Variants in SLC2A9 observed in about 807,000 individuals in gnomAD.
SLC2A9 encodes the protein solute carrier family 2, facilitated glucose transporter member 9.
A neutral mutation model predicts 50.6 loss-of-function variants in SLC2A9; 39 were observed. The ratio of observed to expected loss-of-function variants is 0.77; its 90% CI spans 0.60 to 1.01. The LOEUF (loss-of-function observed/expected upper bound fraction) is 1.01. Among genes scored for constraint, SLC2A9 ranks in the 50% least tolerant of loss-of-function variants. The pLI, the probability that SLC2A9 is intolerant of heterozygous loss-of-function variation, is 0.00. For synonymous variants in SLC2A9, 324 were observed against 276.9 expected, an observed-to-expected ratio of 1.17 and a Z score of -1.69; for missense variants, 686 against 677.6, an observed-to-expected ratio of 1.01 and a Z score of -0.14.
intron 3 of SLC2A9, among the ~76,000 whole-genome samples, chr4:9,805,470 G>A (rs967665040): frequency 9.9e-5 from 15 of 152,184 alleles, no homozygotes; most frequent in African/African-American, 1.7e-4. Context: ...AGGCTGAGGC[G>A]GGTGGATCAC....
intron 6 of SLC2A9, among the ~76,000 whole-genome samples, chr4:9,936,701 C>A (rs555370629): frequency 1.3e-5 from 2 of 152,160 alleles, no homozygotes; most frequent in South Asian, 4.2e-4. Context: ...ATCGGGGCTC[C>A]AGGGGCATCT....
At chr4:9,890,562 T>A in intron 9 of SLC2A9, 48 bp downstream of exon 9, 1 of 1,569,364 alleles carries the variant, frequency 6.4e-7, no homozygotes, top group Non-Finnish European at 8.8e-7. Flanking sequence ...AAGCCAGAAG[T>A]CAGCTCCATG....
intron 10 of SLC2A9, among the ~76,000 whole-genome samples, chr4:9,878,538 C>A (rs1577662963): frequency 6.6e-6 from 1 of 152,168 alleles, no homozygotes; most frequent in South Asian, 2.1e-4. Context: ...CCACAGAGGG[C>A]ATGAAAGCTC....
chr4:9,785,398 C>T (rs534165911), intron 3 of SLC2A9, among the ~76,000 whole-genome samples: 1 of 152,366 alleles, frequency 6.6e-6, no homozygotes, highest in South Asian at 2.1e-4. Context: ...GGAGAAGATT[C>T]TGTATCATTT....
At chr4:9,918,546 T>C (rs1447184295) in intron 7 of SLC2A9, among the ~76,000 whole-genome samples, 1 of 152,198 alleles carries the variant, frequency 6.6e-6, no homozygotes, top group Non-Finnish European at 1.5e-5. Context: ...CCTTTTACTA[T>C]TCCTCACTGT....
At chr4:9,879,418 G>A in intron 10 of SLC2A9, 1 of 984,654 alleles carries the variant, frequency 1.0e-6, no homozygotes, top group Non-Finnish European at 1.2e-6. Context: ...GTGTGGGGCA[G>A]GGGGCAGCTG....
chr4:9,868,150 T>C (rs1331674691), intron 10 of SLC2A9, among the ~76,000 whole-genome samples: 3 of 152,244 alleles, frequency 2.0e-5, no homozygotes, highest in Non-Finnish European at 4.4e-5. Context: ...CCCTCTGCTA[T>C]GTTCCTGCTG....
chr4:9,972,642 A>T (rs1754102048), intron 5 of SLC2A9, among the ~76,000 whole-genome samples: 1 of 152,218 alleles, frequency 6.6e-6, no homozygotes, highest in Non-Finnish European at 1.5e-5. Flanking sequence ...CACCAAGAAG[A>T]TCTCTCAAAA....
At position 9,957,178 on chromosome 4, in the gene SLC2A9, T is replaced by C. The variant is rs1751458475; in HGVS notation, c.682-15133A>G. Reference sequence around the variant, plus strand: ...AATGGAACCACAGTCATTCCAGGCTTGGACATACCAGATACAGCAGCAAAA... The same window carrying C: ...AATGGAACCACAGTCATTCCAGGCTCGGACATACCAGATACAGCAGCAAAA... On this transcript the variant is annotated intron_variant, in intron 5 of 11. Transcript: ENST00000264784. Among the ~76,000 whole-genome samples the C allele has an allele frequency of 3.3e-5, 5 of 152,106 alleles. No homozygotes were observed. The South Asian group carries it at 1.0e-3, about 32-fold the overall frequency.
intron 10 of SLC2A9, among the ~76,000 whole-genome samples, chr4:9,878,241 A>G (rs1478357269): frequency 1.3e-5 from 2 of 152,096 alleles, no homozygotes; most frequent in African/African-American, 2.4e-5. Flanking sequence ...TTCTGGAGTA[A>G]CAAGAGTGGC....
intron 6 of SLC2A9, among the ~76,000 whole-genome samples, chr4:9,934,580 A>C (rs1746722584): frequency 6.6e-6 from 1 of 152,228 alleles, no homozygotes; most frequent in Non-Finnish European, 1.5e-5. Flanking sequence ...GCAGATGAGG[A>C]AACAGTCATC....
intron 10 of SLC2A9, among the ~76,000 whole-genome samples, chr4:9,838,299 T>C (rs1225573663): frequency 6.6e-6 from 1 of 152,166 alleles, no homozygotes; most frequent in Non-Finnish European, 1.5e-5. Context: ...GCAGGCATTA[T>C]GAAAAGCATT....
intron 8 of SLC2A9, among the ~76,000 whole-genome samples, chr4:9,897,925 TAC>T (rs1738866833): frequency 6.6e-6 from 1 of 151,872 alleles, no homozygotes; most frequent in South Asian, 2.1e-4. Context: ...AAAAAAGACA[TAC>T]ACAGACAGAA....
In SLC2A9 at chr4:10,030,499, C is replaced by T. The variant is rs567797051; in HGVS notation, c.-40-4493G>A. ...TAATTTGGATGTGTCAATATAGGTC[C>T]CTTTTACATTGTAATAAATGCAGCA... On this transcript the variant is annotated intron_variant, in intron 1 of 12. Coordinates refer to the SLC2A9 transcript ENST00000309065. Among the ~76,000 whole-genome samples, 12 of 152,138 alleles carry T rather than the reference C, an allele frequency of 7.9e-5. No individual in the cohort carries two copies. The South Asian group carries it at 2.5e-3, about 32-fold the overall frequency.
intron 4 of SLC2A9, among the ~76,000 whole-genome samples, chr4:9,984,378 C>T (rs1251503990): frequency 1.3e-5 from 2 of 152,176 alleles, no homozygotes; most frequent in Non-Finnish European, 2.9e-5. Flanking sequence ...TTAAGAAGCT[C>T]ATGCTAGGTT....
At chr4:9,823,562 A>G (rs759399828), downstream of SLC2A9, among the ~76,000 whole-genome samples, 26 of 152,194 alleles carry the variant, frequency 1.7e-4, no homozygotes, top group Admixed American at 6.5e-5. Context: ...CATAAGAAAA[A>G]AGTTCTGTAC....
downstream of SLC2A9, among the ~76,000 whole-genome samples, chr4:9,798,118 A>G (rs1193158661): frequency 6.6e-6 from 1 of 152,164 alleles, no homozygotes; most frequent in African/African-American, 2.4e-5. Flanking sequence ...TTTAGTCAGG[A>G]TGGGTCTGGT....
chr4:10,018,888 A>AG, intron 2 of SLC2A9, 87 bp downstream of exon 2: 11 of 1,321,166 alleles, frequency 8.3e-6, no homozygotes, highest in Non-Finnish European at 1.1e-5. Context: ...GCGCAACAGG[A>AG]GGGGGCGCTG....
chr4:10,036,755 A>G (rs1764120063), intron 1 of SLC2A9, among the ~76,000 whole-genome samples: 1 of 152,262 alleles, frequency 6.6e-6, no homozygotes, highest in Admixed American at 6.5e-5. Flanking sequence ...TCCTTAGCAC[A>G]GATTTCAAGA....
Sources: gnomAD v4.1 joint callset for allele counts (sites outside exome capture counted in the v4.1 genomes callset) on GRCh38, gnomAD v4.1.1 for gene constraint, MANE v1.5 for transcripts, NCBI Gene and HGNC (gene_info 2026-07-23, HGNC 2026-07-21) for gene names.